UBLCP1: variants seen among roughly 807,000 people sequenced by gnomAD.
The protein encoded by UBLCP1 is ubiquitin-like domain-containing CTD phosphatase 1.
A neutral mutation model predicts 42.4 loss-of-function variants in UBLCP1; 28 were observed. The ratio of observed to expected loss-of-function variants is 0.66; its 90% CI spans 0.49 to 0.90. The LOEUF (loss-of-function observed/expected upper bound fraction) is 0.90. Among genes scored for constraint, UBLCP1 ranks in the 40% least tolerant of loss-of-function variants. The pLI is 0.00. For missense variants in UBLCP1, 279 were observed against 374.5 expected (o/e 0.75, Z 2.10); for synonymous variants, 122 against 120.8 (o/e 1.01, Z -0.07).
At chr5:159,265,716 T>G (rs1488693626) in intron 1 of UBLCP1, among the ~76,000 whole-genome samples, 1 of 152,244 alleles carries the variant, frequency 6.6e-6, no homozygotes, top group African/African-American at 2.4e-5. Context: ...CTTTTCTGTC[T>G]TCCTCATTCT....
intron 1 of UBLCP1, among the ~76,000 whole-genome samples, chr5:159,268,096 T>G (rs1172452320): frequency 6.6e-6 from 1 of 152,194 alleles, no homozygotes; most frequent in East Asian, 1.9e-4. Context: ...CTCTCAAAAC[T>G]CCTGTTTCCT....
chr5:159,269,076 C>A lies in UBLCP1; in HGVS notation c.154+7C>A, dbSNP rs762255488. 3.9e-6 allele frequency: 6 copies of A among 1,531,190 alleles called. No individual in the cohort carries two copies. In the East Asian group the frequency reaches 1.5e-4, roughly 37 times the overall value. 94.9% of individuals were successfully genotyped at this position (1,531,190 alleles called of 1,614,324 possible). A position where few individuals can be genotyped will look rare whatever the true frequency, so the allele number is the denominator to read the frequency against. On this transcript the variant is annotated splice_region_variant and intron_variant, in intron 2 of 10. Coordinates refer to ENST00000296786, the MANE Select transcript of UBLCP1 (RefSeq NM_145049.5). Reference sequence around the variant, plus strand: ...CTTGGACTCAAAGTTAAAGGTAATTCTCTCCCCTCTTCAGATTTTTTGCAT... The same window carrying A: ...CTTGGACTCAAAGTTAAAGGTAATTATCTCCCCTCTTCAGATTTTTTGCAT...
Position 159,268,874 on chromosome 5 carries a change from T to A in UBLCP1, c.-42T>A. On this transcript the variant is annotated 5_prime_UTR_variant, in exon 2 of 11. Coordinates refer to ENST00000296786, the MANE Select transcript of UBLCP1 (RefSeq NM_145049.5). ...CATTTTTGTCTTCCTTTCCAGGTAT[T>A]TTTTTTTCTGAAGGAAAGCTGCTTC... 1 of 1,584,342 alleles carries A rather than the reference T, an allele frequency of 6.3e-7. No individual in the cohort carries two copies. Among genetic ancestry groups the A allele is most frequent in the Non-Finnish European group, 8.5e-7 (1 of 1,169,840 alleles).
chr5:159,264,910 T>C (rs1447895630), intron 1 of UBLCP1, among the ~76,000 whole-genome samples: 7 of 152,240 alleles, frequency 4.6e-5, no homozygotes, highest in African/African-American at 1.7e-4. Context: ...ATATATGCGA[T>C]ATTAGTGCTG....
At chr5:159,277,001 T>G (rs1295093729) in intron 8 of UBLCP1, among the ~76,000 whole-genome samples, 1 of 152,168 alleles carries the variant, frequency 6.6e-6, no homozygotes, top group Non-Finnish European at 1.5e-5. Flanking sequence ...GGAACATAGG[T>G]GCTTGACCTA....
chr5:159,275,254 GT>G lies in UBLCP1; in HGVS notation c.684+9del. The stretch of plus-strand genomic sequence containing the variant: ...AGGAGAGGATTAATAGACGTAAGAA[GT>G]CATTTTATTTCTATTTAATGACACC... On this transcript the variant is annotated intron_variant, in intron 8 of 10. Transcript: ENST00000296786. The G allele has an allele frequency of 1.2e-6, 2 of 1,603,256 alleles. No homozygotes were observed. The highest frequency in any genetic ancestry group is 1.7e-6 in the Non-Finnish European group (2 of 1,172,560).
chr5:159,277,903 C>T (rs943319500), intron 8 of UBLCP1, among the ~76,000 whole-genome samples: 2 of 152,112 alleles, frequency 1.3e-5, no homozygotes, highest in African/African-American at 2.4e-5. Flanking sequence ...CCAAGGAAGT[C>T]ATGTGACTGC....
At chr5:159,270,211 A>G in intron 3 of UBLCP1, 149 bp from the exon 4 acceptor site, 1 of 773,638 alleles carries the variant, frequency 1.3e-6, no homozygotes, top group Non-Finnish European at 2.0e-6. Flanking sequence ...GGAAACATAC[A>G]TAACGAATTA....
intron 1 of UBLCP1, 23 bp from the exon 2 acceptor site, chr5:159,268,847 T>C: frequency 1.3e-6 from 2 of 1,536,468 alleles, no homozygotes; most frequent in South Asian, 2.4e-5. Flanking sequence ...TTTTAACTTG[T>C]TCATTTTTGT....
At chr5:159,282,021 T>A (rs1753615540) in intron 9 of UBLCP1, among the ~76,000 whole-genome samples, 1 of 152,050 alleles carries the variant, frequency 6.6e-6, no homozygotes, top group Admixed American at 6.6e-5. Flanking sequence ...AACAGAAAAA[T>A]TCAAATGTAA....
intron 1 of UBLCP1, among the ~76,000 whole-genome samples, chr5:159,265,882 C>G (rs1200277564): frequency 6.6e-6 from 1 of 152,080 alleles, no homozygotes; most frequent in Non-Finnish European, 1.5e-5. Context: ...TGGGGTTTCA[C>G]CACATTGGCC....
chr5:159,270,678 AC>A, intron 5 of UBLCP1, 35 bp downstream of exon 5: 1 of 1,294,308 alleles, frequency 7.7e-7, no homozygotes, highest in Non-Finnish European at 1.1e-6. Flanking sequence ...ATTTTCTGTT[AC>A]CCACAACAAC....
chr5:159,275,247 G>C lies in UBLCP1; in HGVS notation c.684+1G>C, dbSNP rs748876402. 1.9e-6 allele frequency: 3 copies of C among 1,606,660 alleles called. No individual in the cohort carries two copies. Among genetic ancestry groups the C allele is most frequent in the Non-Finnish European group, 2.6e-6 (3 of 1,175,336 alleles). The stretch of plus-strand genomic sequence containing the variant: ...TACTCCAAGGAGAGGATTAATAGAC[G>C]TAAGAAGTCATTTTATTTCTATTTA... On this transcript the variant is annotated splice_donor_variant, in intron 8 of 10. Coordinates refer to ENST00000296786, the MANE Select transcript of UBLCP1 (RefSeq NM_145049.5). LOFTEE classifies it high-confidence loss of function.
intron 8 of UBLCP1, 105 bp from the exon 9 acceptor site, chr5:159,278,133 G>C: frequency 1.4e-6 from 1 of 724,324 alleles, no homozygotes; most frequent in South Asian, 1.7e-5. Flanking sequence ...CAGGGGGAAA[G>C]GAACACTTTG....
At chr5:159,282,585 ACT>A (rs1043776191) in intron 9 of UBLCP1, among the ~76,000 whole-genome samples, 9 of 152,012 alleles carry the variant, frequency 5.9e-5, no homozygotes, top group African/African-American at 2.2e-4. Flanking sequence ...TGCTTTTTAA[ACT>A]CTTTTTCATC....
At chr5:159,272,166 TC>T in intron 6 of UBLCP1, 45 bp downstream of exon 6, 1 of 1,455,368 alleles carries the variant, frequency 6.9e-7, no homozygotes, top group African/African-American at 1.4e-5. Context: ...AATAGGTTGT[TC>T]CATATATTAT....
chr5:159,284,783 ATT>A (rs1753650211), intron 10 of UBLCP1, 119 bp from the exon 11 acceptor site: 10 of 984,666 alleles, frequency 1.0e-5, no homozygotes, highest in Middle Eastern at 5.7e-4. Flanking sequence ...GTAAGTGACT[ATT>A]AAGAATACTC....
intron 1 of UBLCP1, among the ~76,000 whole-genome samples, chr5:159,263,571 C>T (rs545910509): frequency 2.0e-5 from 3 of 152,370 alleles, no homozygotes; most frequent in African/African-American, 7.2e-5. Context: ...ATTTGGAGGG[C>T]TTTCTGTTTC....
chr5:159,274,779 A>G (rs1753512996), intron 7 of UBLCP1, among the ~76,000 whole-genome samples, 157 bp downstream of exon 7: 1 of 152,214 alleles, frequency 6.6e-6, no homozygotes, highest in East Asian at 1.9e-4. Context: ...AGTGTGTTTA[A>G]TAAGTGGATT....
Sources: gnomAD v4.1 joint callset for allele counts (sites outside exome capture counted in the v4.1 genomes callset) on GRCh38, gnomAD v4.1.1 for gene constraint, MANE v1.5 for transcripts, NCBI Gene and HGNC (gene_info 2026-07-23, HGNC 2026-07-21) for gene names.